ANKRD24: variants seen among roughly 807,000 people sequenced by gnomAD.
ANKRD24 encodes ankyrin repeat domain-containing protein 24.
ANKRD24 carries 109 observed loss-of-function variants against 127.8 expected under a neutral mutation model. The observed-to-expected ratio is 0.85, with a 90% CI of 0.73 to 1.00. The LOEUF is 1.00. Ranked by LOEUF, ANKRD24 falls within the 50% of genes least tolerant of loss-of-function variation. The probability of loss-of-function intolerance (pLI) is 0.00; values close to 1 mark genes in which losing one functional copy is unlikely to be tolerated. For synonymous variants in ANKRD24, 743 were observed against 671.1 expected (o/e 1.11, Z -1.66); for missense variants, 1,648 against 1,570.2 (o/e 1.05, Z -0.84).
At chr19:4,224,342 C>T in intron 21 of ANKRD24, 86 bp from the exon 22 acceptor site, 1 of 1,487,294 alleles carries the variant, frequency 6.7e-7, no homozygotes, top group Non-Finnish European at 9.2e-7. Flanking sequence ...TCCCTCCTGG[C>T]TGGCTTGGTC....
chr19:4,196,164 T>C (rs1160922179), intron 2 of ANKRD24, among the ~76,000 whole-genome samples: 1 of 152,166 alleles, frequency 6.6e-6, no homozygotes, highest in African/African-American at 2.4e-5. Flanking sequence ...TTGGTGCCTG[T>C]CCTATTATCT....
chr19:4,210,928 G>A (rs141663665), intron 13 of ANKRD24, among the ~76,000 whole-genome samples: 3,006 of 152,028 alleles, frequency 0.02, 50 homozygotes, highest in Admixed American at 0.034. Flanking sequence ...CCGCCTCCCG[G>A]GTTCAAGCGA....
At chr19:4,210,576 C>T (rs1969667244) in intron 13 of ANKRD24, among the ~76,000 whole-genome samples, 1 of 108,408 alleles carries the variant, frequency 9.2e-6, no homozygotes, top group African/African-American at 2.8e-5. Context: ...GTGTCCTCTG[C>T]CTGGAATGCT....
intron 13 of ANKRD24, among the ~76,000 whole-genome samples, chr19:4,210,644 C>G (rs916576691): frequency 6.6e-6 from 1 of 151,848 alleles, no homozygotes; most frequent in African/African-American, 2.4e-5. Flanking sequence ...CTGGAATGCT[C>G]TAGCCCCAGA....
chr19:4,211,456 T>C (rs1383274360), intron 13 of ANKRD24, among the ~76,000 whole-genome samples: 1 of 151,600 alleles, frequency 6.6e-6, no homozygotes, highest in Non-Finnish European at 1.5e-5. Context: ...CTGGCCAACA[T>C]AGTGAAACCC....
chr19:4,216,127 G>A, intron 16 of ANKRD24, 77 bp downstream of exon 16: 3 of 1,483,688 alleles, frequency 2.0e-6, no homozygotes, highest in African/African-American at 1.4e-5. Context: ...CTGGGTGTGG[G>A]GGAGTTTGAA....
At chr19:4,188,373 G>C (rs1163642724) in intron 2 of ANKRD24, among the ~76,000 whole-genome samples, 1 of 133,864 alleles carries the variant, frequency 7.5e-6, no homozygotes, top group South Asian at 2.4e-4. Context: ...CACCACGCTT[G>C]GTCCATTTTT....
At chr19:4,210,028 C>G in intron 11 of ANKRD24, 30 bp from the exon 12 acceptor site, 1 of 1,484,224 alleles carries the variant, frequency 6.7e-7, no homozygotes, top group African/African-American at 1.4e-5. Context: ...CCGATCGGCC[C>G]CCTTCACTCT....
At chr19:4,193,444 A>T (rs1402511688) in intron 2 of ANKRD24, among the ~76,000 whole-genome samples, 1 of 152,160 alleles carries the variant, frequency 6.6e-6, no homozygotes, top group African/African-American at 2.4e-5. Context: ...TGCTCCAGGC[A>T]GAAGGAGCTG....
rs1186253305 is a variant in ANKRD24, at chr19:4,217,428, C to G, written c.2268C>G (p.Ala756=). ...AGGCGGCCCTGGGGAAGTGCGAGGC[C>G]GCGGAGGCCGAGGCAGGCCGGCTGC... ...ELEAALGKCE[A]AEAEAGRLRE... Residue 756 remains alanine (A), a synonymous_variant, in exon 18 of 22, where the codon GCC becomes GCG. Transcript: ENST00000318934. The G allele has an allele frequency of 3.2e-6, 5 of 1,541,878 alleles. No individual in the cohort carries two copies. In the African/African-American group the frequency reaches 4.1e-5, roughly 13 times the overall value.
intron 15 of ANKRD24, 91 bp downstream of exon 15, chr19:4,212,789 C>A (rs953210800): frequency 8.6e-7 from 1 of 1,156,382 alleles, no homozygotes; most frequent in Non-Finnish European, 1.2e-6. Flanking sequence ...CCAGTGCATG[C>A]ACAGCCTCAC....
chr19:4,198,666 G>C lies in ANKRD24; in HGVS notation c.37-1017G>C, dbSNP rs1167835918. The C allele has an allele frequency of 2.5e-6, 1 of 403,122 alleles. No homozygotes were observed. The highest frequency in any genetic ancestry group is 4.4e-6 in the Non-Finnish European group (1 of 227,550). 25.0% of individuals were successfully genotyped at this position (403,122 alleles called of 1,614,324 possible). ...AAAGATGGTCGGCGGCGGGGGGTGG[G>C]GGGGAACAGAGGTTGGGGCAGCTTT... On this transcript the variant is annotated intron_variant, in intron 2 of 21. Transcript: ENST00000318934. This position sits in a 1 kb window ranked among gnomAD's most constrained non-coding sequence, Gnocchi z 6.1.
chr19:4,198,025 A>T lies in ANKRD24; in HGVS notation c.37-1658A>T. The T allele has an allele frequency of 2.4e-6, 1 of 408,808 alleles. No individual in the cohort carries two copies. The highest frequency in any genetic ancestry group is 4.3e-6 in the Non-Finnish European group (1 of 231,046). 25.3% of individuals were successfully genotyped at this position (408,808 alleles called of 1,614,324 possible). On this transcript the variant is annotated intron_variant, in intron 2 of 21. Coordinates refer to ENST00000318934, the MANE Select transcript of ANKRD24 (RefSeq NM_001393985.1). This position sits in a 1 kb window ranked among gnomAD's most constrained non-coding sequence, Gnocchi z 6.1. ...AATGAATGAAAGTGTGAGTGGCGAG[A>T]GCCCTGCCGGCCGCGTGGAGGTGCG... is the stretch of plus-strand genomic sequence containing the variant.
intron 13 of ANKRD24, 114 bp downstream of exon 13, chr19:4,210,486 C>T (rs1257026404): frequency 2.1e-6 from 2 of 957,970 alleles, no homozygotes; most frequent in Admixed American, 2.9e-5. Flanking sequence ...CCCTCCCCAC[C>T]CTGCTGCAGC....
intron 10 of ANKRD24, 51 bp downstream of exon 10, chr19:4,208,019 C>T: frequency 7.1e-7 from 1 of 1,416,670 alleles, no homozygotes; most frequent in Non-Finnish European, 9.3e-7. Context: ...AGCTTCTTGT[C>T]ACTCCCCTTC....
intron 2 of ANKRD24, among the ~76,000 whole-genome samples, chr19:4,191,247 G>A (rs890089402): frequency 3.3e-5 from 5 of 152,042 alleles, no homozygotes; most frequent in East Asian, 1.9e-4. Context: ...GCAGGCAGCC[G>A]GAGTCAAGTT....
rs187635913 is a variant in ANKRD24 at position 4,205,242 on chromosome 19, C to G, written c.467-2000C>G. Among the ~76,000 whole-genome samples the G allele has an allele frequency of 1.6e-4, 24 of 152,162 alleles. No homozygotes were observed. In the East Asian group the frequency reaches 3.9e-3, roughly 25 times the overall value. On this transcript the variant is annotated intron_variant, in intron 7 of 21. Transcript: ENST00000318934. ...AGAGCGAGACCCCATCTCAAAAAAACCAACCAACCAACAACAACAACAAAC... is the reference window on the plus strand; with the variant it reads ...AGAGCGAGACCCCATCTCAAAAAAAGCAACCAACCAACAACAACAACAAAC...
chr19:4,192,478 T>G (rs1171339697), intron 2 of ANKRD24, among the ~76,000 whole-genome samples: 1 of 151,154 alleles, frequency 6.6e-6, no homozygotes, highest in Admixed American at 6.6e-5. Context: ...CCCAAAGTGC[T>G]GGGATTACAG....
intron 19 of ANKRD24, among the ~76,000 whole-genome samples, chr19:4,220,938 C>T (rs1970408549): frequency 6.6e-6 from 1 of 151,756 alleles, no homozygotes; most frequent in South Asian, 2.1e-4. Flanking sequence ...ACTTTGTCAC[C>T]CAGGCTGGAG....
Sources: gnomAD v4.1 joint callset for allele counts (sites outside exome capture counted in the v4.1 genomes callset) on GRCh38, gnomAD v4.1.1 for gene constraint, Gnocchi (gnomAD v3.1) non-coding constraint, MANE v1.5 for transcripts, NCBI Gene and HGNC (gene_info 2026-07-23, HGNC 2026-07-21) for gene names.